The following DCUN1D5 variants were observed in gnomAD, a reference collection of about 807,000 sequenced individuals.
DCUN1D5 encodes the protein defective in cullin neddylation 1 domain containing 5, also known as DCN1-like protein 5.
DCUN1D5 carries 10 observed loss-of-function variants against 38.3 expected under a neutral mutation model. That is an observed-to-expected ratio of 0.26 (90% CI 0.16 to 0.44). The LOEUF (loss-of-function observed/expected upper bound fraction) is 0.44, where lower values mean the gene tolerates loss of function less well. Among genes scored for constraint, DCUN1D5 ranks in the 20% least tolerant of loss-of-function variants. The pLI is 1.00. For synonymous variants in DCUN1D5, 93 were observed against 90.9 expected, an observed-to-expected ratio of 1.02 and a Z score of -0.13; for missense variants, 148 against 275.3, an observed-to-expected ratio of 0.54 and a Z score of 3.27.
In DCUN1D5 at chr11:103,071,661, A is replaced by G. The variant is rs1862276124; in HGVS notation, c.342-5094T>C. Among the ~76,000 whole-genome samples the G allele has an allele frequency of 1.3e-5, 2 of 151,052 alleles. No homozygotes were observed. Among genetic ancestry groups the G allele is most frequent in the African/African-American group, 4.8e-5 (2 of 41,324 alleles). On this transcript the variant is annotated intron_variant, in intron 4 of 7. Transcript: ENST00000260247. The surrounding 1 kb of genome is among the most constrained non-coding windows in gnomAD (Gnocchi z 4.1). ...TCTACATATGTAACAATTTTTCTAC[A>G]TCAAAACTTGGATGAAATGGACCAA...
At position 103,053,261 on chromosome 11, in the gene DCUN1D5, C is replaced by A. The variant is rs1861790329; in HGVS notation, c.*9098G>T. The A allele has an allele frequency of 6.6e-6, 1 of 152,050 alleles. No homozygotes were observed. Among genetic ancestry groups the A allele is most frequent in the African/African-American group, 2.4e-5 (1 of 41,418 alleles). The allele number at this position is 152,050 out of a possible 1,614,324, so 9.4% of individuals were successfully genotyped here. A position where few individuals can be genotyped will look rare whatever the true frequency, so the allele number is the denominator to read the frequency against. On this transcript the variant is annotated 3_prime_UTR_variant, in exon 8 of 8. Transcript: ENST00000260247. This position sits in a 1 kb window ranked among gnomAD's most constrained non-coding sequence, Gnocchi z 4.8. The stretch of plus-strand genomic sequence containing the variant: ...GGTGCCAACTACACTGTAAATTGAT[C>A]ATTTAGTCATATTTAGCATCCATTT...
intron 1 of DCUN1D5, among the ~76,000 whole-genome samples, chr11:103,089,704 T>TA (rs1175878032): frequency 6.6e-6 from 1 of 152,144 alleles, no homozygotes; most frequent in Non-Finnish European, 1.5e-5. Context: ...AACAAACTCT[T>TA]ACAAAGTATA....
chr11:103,068,687 G>T (rs560177072), intron 4 of DCUN1D5, among the ~76,000 whole-genome samples: 1 of 152,100 alleles, frequency 6.6e-6, no homozygotes, highest in Non-Finnish European at 1.5e-5. Context: ...CTACTTGAAG[G>T]TGGAGGGTGG....
rs1861957318 is a variant in DCUN1D5, at chr11:103,059,475, A to G, written c.*2884T>C. ...AAAGAAGGCTTCAAATTGCAGTTCAAGAAACACTAATCTAGAGTGCTTCTG... is the reference window on the plus strand; with the variant it reads ...AAAGAAGGCTTCAAATTGCAGTTCAGGAAACACTAATCTAGAGTGCTTCTG... On this transcript the variant is annotated 3_prime_UTR_variant, in exon 8 of 8. Coordinates refer to ENST00000260247, the MANE Select transcript of DCUN1D5 (RefSeq NM_032299.4). Among the ~76,000 whole-genome samples the G allele has an allele frequency of 6.6e-6, 1 of 152,228 alleles. No homozygotes were observed. The highest frequency in any genetic ancestry group is 1.5e-5 in the Non-Finnish European group (1 of 68,042).
rs1258626342 is a variant in DCUN1D5, at chr11:103,092,142, T to C, written c.-270A>G. ...GAGATAACGCGGACAGCGCGGCAGC[T>C]CCACCAGTCACAGCAAGCAAGAGGC... On this transcript the variant is annotated 5_prime_UTR_variant, in exon 1 of 8. Transcript: ENST00000260247. The C allele has an allele frequency of 1.4e-5, 6 of 423,614 alleles. No individual in the cohort carries two copies. Among genetic ancestry groups the C allele is most frequent in the African/African-American group, 6.2e-5 (3 of 48,552 alleles). 26.2% of individuals were successfully genotyped at this position (423,614 alleles called of 1,614,324 possible).
rs1423295620 is a variant in DCUN1D5, at chr11:103,051,383, A to G, written c.*10976T>C. 2 of 152,198 alleles carry G rather than the reference A, an allele frequency of 1.3e-5. No homozygotes were observed. The highest frequency in any genetic ancestry group is 2.9e-5 in the Non-Finnish European group (2 of 68,040). The allele number at this position is 152,198 out of a possible 1,614,324, so 9.4% of individuals were successfully genotyped here. On this transcript the variant is annotated 3_prime_UTR_variant, in exon 8 of 8. Coordinates refer to ENST00000260247, the MANE Select transcript of DCUN1D5 (RefSeq NM_032299.4). ...TCTTCTGACAAGGCAGCAACCTTAG[A>G]AATGATATCAGCATGAAAAGTTCAT...
In DCUN1D5 at chr11:103,056,623, C is replaced by A. The variant is rs567208314; in HGVS notation, c.*5736G>T. ...TTAAAATAAAAATCCCATAAAGGTT[C>A]GAAATTACTGTCTTGCTTCGTGCCC... On this transcript the variant is annotated 3_prime_UTR_variant, in exon 8 of 8. Coordinates refer to ENST00000260247, the MANE Select transcript of DCUN1D5 (RefSeq NM_032299.4). This position sits in a 1 kb window ranked among gnomAD's most constrained non-coding sequence, Gnocchi z 4.9. Among the ~76,000 whole-genome samples the A allele has an allele frequency of 2.6e-5, 4 of 152,112 alleles. No homozygotes were observed. The highest frequency in any genetic ancestry group is 7.2e-5 in the African/African-American group (3 of 41,430).
intron 1 of DCUN1D5, among the ~76,000 whole-genome samples, chr11:103,089,705 AC>A (rs1432503006): frequency 6.6e-6 from 1 of 152,150 alleles, no homozygotes; most frequent in Non-Finnish European, 1.5e-5. Flanking sequence ...ACAAACTCTT[AC>A]AAAGTATATT....
At position 103,057,396 on chromosome 11, in the gene DCUN1D5, T is replaced by C. The variant is rs958098278; in HGVS notation, c.*4963A>G. On this transcript the variant is annotated 3_prime_UTR_variant, in exon 8 of 8. Transcript: ENST00000260247. This position sits in a 1 kb window ranked among gnomAD's most constrained non-coding sequence, Gnocchi z 4.8. ...GTGAGGAGCTTTTATCTGTGATCTA[T>C]TTTCTATGTGAAAAAGTTAATTATT... 3.9e-5 allele frequency among the ~76,000 whole-genome samples: 6 copies of C among 152,096 alleles called. No homozygotes were observed. The highest frequency in any genetic ancestry group is 7.4e-5 in the Non-Finnish European group (5 of 67,992).
At chr11:103,076,336 T>C (rs1862406952) in intron 4 of DCUN1D5, among the ~76,000 whole-genome samples, 1 of 152,194 alleles carries the variant, frequency 6.6e-6, no homozygotes, top group African/African-American at 2.4e-5. Flanking sequence ...TAGTGGTAAA[T>C]GGTAGATCAA....
At position 103,091,501 on chromosome 11, in the gene DCUN1D5, G is replaced by A; in HGVS notation, c.86+286C>T. 2.4e-6 allele frequency: 1 copy of A among 408,246 alleles called. No individual in the cohort carries two copies. Among genetic ancestry groups the A allele is most frequent in the Non-Finnish European group, 4.5e-6 (1 of 220,012 alleles). The allele number at this position is 408,246 out of a possible 1,614,324, so 25.3% of individuals were successfully genotyped here. On this transcript the variant is annotated intron_variant, in intron 1 of 7. Transcript: ENST00000260247. This position sits in a 1 kb window ranked among gnomAD's most constrained non-coding sequence, Gnocchi z 4.3. The stretch of plus-strand genomic sequence containing the variant: ...TTGTGGGGTGGGGGTGGGGGTGGGG[G>A]GAAGCGCAATTTACATATGCATCTG...
rs1260988016 is a variant in DCUN1D5, at chr11:103,065,193, C to T, written c.556-816G>A. On this transcript the variant is annotated intron_variant, in intron 6 of 7. Transcript: ENST00000260247. This position sits in a 1 kb window ranked among gnomAD's most constrained non-coding sequence, Gnocchi z 4.6. The stretch of plus-strand genomic sequence containing the variant: ...CTGAGACAGAGTCTCGTTCTGTCAC[C>T]CAGGCTGGAGTGTAGTGGTGCAATC... Among the ~76,000 whole-genome samples, 1 of 151,578 alleles carries T rather than the reference C, an allele frequency of 6.6e-6. No individual in the cohort carries two copies. Among genetic ancestry groups the T allele is most frequent in the Non-Finnish European group, 1.5e-5 (1 of 67,896 alleles).
At position 103,059,268 on chromosome 11, in the gene DCUN1D5, C is replaced by G. The variant is rs944641609; in HGVS notation, c.*3091G>C. Among the ~76,000 whole-genome samples the G allele has an allele frequency of 6.6e-6, 1 of 152,078 alleles. No homozygotes were observed. On this transcript the variant is annotated 3_prime_UTR_variant, in exon 8 of 8. Transcript: ENST00000260247. The stretch of plus-strand genomic sequence containing the variant: ...AATGTTTCATTTTATACGTATGTAT[C>G]ATGTATTCTGAATCTGTGCTATTCC...
intron 4 of DCUN1D5, among the ~76,000 whole-genome samples, chr11:103,072,644 A>G (rs1230446167): frequency 1.3e-5 from 2 of 152,022 alleles, no homozygotes; most frequent in South Asian, 2.1e-4. Flanking sequence ...CATCATTCTG[A>G]GCAAACTATC....
intron 2 of DCUN1D5, among the ~76,000 whole-genome samples, chr11:103,084,185 G>A (rs1403112051): frequency 6.6e-6 from 1 of 152,122 alleles, no homozygotes; most frequent in Non-Finnish European, 1.5e-5. Context: ...AATAATATGA[G>A]AAATGTGTTT....
At chr11:103,085,728 C>T (rs961495896) in intron 2 of DCUN1D5, among the ~76,000 whole-genome samples, 11 of 152,184 alleles carry the variant, frequency 7.2e-5, no homozygotes, top group Admixed American at 5.2e-4. Context: ...AATAAAACTA[C>T]TCTCTGGGTA....
At position 103,063,141 on chromosome 11, in the gene DCUN1D5, T is replaced by C. The variant is rs941283244; in HGVS notation, c.659-727A>G. Among the ~76,000 whole-genome samples the C allele has an allele frequency of 3.9e-5, 6 of 152,096 alleles. No individual in the cohort carries two copies. Among genetic ancestry groups the C allele is most frequent in the African/African-American group, 1.4e-4 (6 of 41,436 alleles). On this transcript the variant is annotated intron_variant, in intron 7 of 7. Coordinates refer to ENST00000260247, the MANE Select transcript of DCUN1D5 (RefSeq NM_032299.4). This position sits in a 1 kb window ranked among gnomAD's most constrained non-coding sequence, Gnocchi z 4.6. ...CGTAAGAAAAGCAGCAGAGCACATA[T>C]GATAATAAATGGCAACTGAAAAACA...
Position 103,062,147 on chromosome 11 carries a change from CA to C in DCUN1D5, c.*211del. The C allele has an allele frequency of 2.1e-6, 1 of 483,200 alleles. No homozygotes were observed. 29.9% of individuals were successfully genotyped at this position (483,200 alleles called of 1,614,324 possible). ...TAAATGTTATAAACATAACTCAAAA[CA>C]AAAACTTCAATATTCAGTCTAAGAA... On this transcript the variant is annotated 3_prime_UTR_variant, in exon 8 of 8. Coordinates refer to ENST00000260247, the MANE Select transcript of DCUN1D5 (RefSeq NM_032299.4). This position sits in a 1 kb window ranked among gnomAD's most constrained non-coding sequence, Gnocchi z 4.6.
In DCUN1D5 at chr11:103,056,988, T is replaced by TAA. The variant is rs561834986; in HGVS notation, c.*5370_*5371insTT. Among the ~76,000 whole-genome samples the TAA allele has an allele frequency of 7.7e-4, 118 of 152,276 alleles. No individual in the cohort carries two copies. The highest frequency in any genetic ancestry group is 2.7e-3 in the African/African-American group (114 of 41,558). Reference sequence around the variant, plus strand: ...GAAACTGAAAATGACATAGGTTAAGTGGCTTGTTTAAAAGTGACATTAACA... The same window carrying TAA: ...GAAACTGAAAATGACATAGGTTAAGTAAGGCTTGTTTAAAAGTGACATTAACA... On this transcript the variant is annotated 3_prime_UTR_variant, in exon 8 of 8. Coordinates refer to ENST00000260247, the MANE Select transcript of DCUN1D5 (RefSeq NM_032299.4). This position sits in a 1 kb window ranked among gnomAD's most constrained non-coding sequence, Gnocchi z 4.9.
Sources: gnomAD v4.1 joint callset for allele counts (sites outside exome capture counted in the v4.1 genomes callset) on GRCh38, gnomAD v4.1.1 for gene constraint, Gnocchi (gnomAD v3.1) non-coding constraint, MANE v1.5 for transcripts, NCBI Gene and HGNC (gene_info 2026-07-23, HGNC 2026-07-21) for gene names.